The following MMP26 variants were observed in gnomAD, a reference collection of about 807,000 sequenced individuals.
The protein encoded by MMP26 is matrix metalloproteinase-26.
MMP26 carries 33 observed loss-of-function variants against 31.0 expected under a neutral mutation model. That is an observed-to-expected ratio of 1.06 (90% CI 0.81 to 1.42). MMP26 has a LOEUF of 1.42. Among genes scored for constraint, MMP26 ranks in the 40% most tolerant of loss-of-function variants. The probability of loss-of-function intolerance (pLI) is 0.00; values close to 1 mark genes in which losing one functional copy is unlikely to be tolerated. For synonymous variants in MMP26, 122 were observed against 114.9 expected (o/e 1.06, Z -0.40); for missense variants, 347 against 316.1 (o/e 1.10, Z -0.74).
chr11:4,737,890 TG>T (rs1848263195), intron 1 of MMP26, among the ~76,000 whole-genome samples: 1 of 152,248 alleles, frequency 6.6e-6, no homozygotes, highest in Non-Finnish European at 1.5e-5. Context: ...CTCTACTGCA[TG>T]GTGCAATCAT....
intron 2 of MMP26, chr11:4,923,263 C>G (rs1851209989): frequency 9.2e-7 from 1 of 1,081,170 alleles, no homozygotes; most frequent in South Asian, 1.7e-5. Flanking sequence ...TGTTGCACAG[C>G]CAATTGCCTT....
intron 2 of MMP26, among the ~76,000 whole-genome samples, chr11:4,987,573 C>T (rs747747971): frequency 1.5e-4 from 23 of 152,024 alleles, no homozygotes; most frequent in Non-Finnish European, 2.8e-4. Context: ...CGCCCACCAC[C>T]ACACCCGGCT....
At chr11:4,749,109 A>G (rs1848416345) in intron 1 of MMP26, among the ~76,000 whole-genome samples, 1 of 152,146 alleles carries the variant, frequency 6.6e-6, no homozygotes, top group African/African-American at 2.4e-5. Flanking sequence ...AGGATACAAA[A>G]TCAACATACA....
At chr11:4,782,775 G>A (rs1162158427) in intron 2 of MMP26, among the ~76,000 whole-genome samples, 1 of 152,196 alleles carries the variant, frequency 6.6e-6, no homozygotes, top group Non-Finnish European at 1.5e-5. Flanking sequence ...GGGACTTGGT[G>A]CCCTGCATCC....
intron 2 of MMP26, among the ~76,000 whole-genome samples, chr11:4,842,868 T>C (rs1849815203): frequency 6.6e-6 from 1 of 152,208 alleles, no homozygotes; most frequent in Non-Finnish European, 1.5e-5. Context: ...AGTTATTTAC[T>C]TACAAGAGAA....
intron 2 of MMP26, among the ~76,000 whole-genome samples, chr11:4,966,622 C>A (rs184373619): frequency 6.6e-6 from 1 of 152,302 alleles, no homozygotes; most frequent in African/African-American, 2.4e-5. Context: ...GTCATCAACC[C>A]TCTTGTTCAA....
At chr11:4,826,617 G>T (rs1157670361) in intron 2 of MMP26, among the ~76,000 whole-genome samples, 1 of 152,020 alleles carries the variant, frequency 6.6e-6, no homozygotes, top group Non-Finnish European at 1.5e-5. Flanking sequence ...AGTCTGGTTG[G>T]CAAACCACAA....
At chr11:4,991,632 G>A in intron 6 of MMP26, 136 bp downstream of exon 6, 2 of 1,060,398 alleles carry the variant, frequency 1.9e-6, no homozygotes, top group Non-Finnish European at 2.7e-6. Flanking sequence ...TTCTTTATAA[G>A]TGAGGAGATG....
chr11:4,787,311 G>A (rs113806422), intron 2 of MMP26: 3,795 of 152,310 alleles, frequency 0.025, 79 homozygotes, highest in Admixed American at 0.037. Context: ...ACCCTGATGC[G>A]CTTAAAGTTG....
chr11:4,750,437 C>A (rs11033697), intron 1 of MMP26, among the ~76,000 whole-genome samples: 34,529 of 151,878 alleles, frequency 0.23, 4,201 homozygotes, highest in Middle Eastern at 0.37. Flanking sequence ...CCCAAGGGAA[C>A]ATAAATTATT....
intron 2 of MMP26, among the ~76,000 whole-genome samples, chr11:4,942,089 C>CAAAAAAAAAAAAAAAGAAAAAA (rs1846216980): frequency 2.7e-5 from 1 of 37,122 alleles, no homozygotes. Context: ...GAGTCCATCT[C>CAAAAAAAAAAAAAAAGAAAAAA]AAAAAAAAAA....
At chr11:4,801,857 C>T (rs1429123837) in intron 2 of MMP26, among the ~76,000 whole-genome samples, 2 of 151,914 alleles carry the variant, frequency 1.3e-5, no homozygotes, top group African/African-American at 4.8e-5. Flanking sequence ...TTTAAATAAC[C>T]GGATCTCGCA....
intron 2 of MMP26, among the ~76,000 whole-genome samples, chr11:4,969,864 C>CTT (rs1846642240): frequency 6.6e-6 from 1 of 152,012 alleles, no homozygotes; most frequent in East Asian, 1.9e-4. Context: ...GCCAAAGATA[C>CTT]GCCTATGTCA....
chr11:4,893,776 G>T (rs1350799049), intron 2 of MMP26, among the ~76,000 whole-genome samples: 1 of 151,958 alleles, frequency 6.6e-6, no homozygotes, highest in East Asian at 1.9e-4. Flanking sequence ...GATCAATTCT[G>T]TATTTATAAA....
At chr11:4,837,508 T>C (rs572282069) in intron 2 of MMP26, among the ~76,000 whole-genome samples, 1 of 152,316 alleles carries the variant, frequency 6.6e-6, no homozygotes, top group Non-Finnish European at 1.5e-5. Flanking sequence ...CACCCACTTA[T>C]ATTTAAAATA....
intron 2 of MMP26, among the ~76,000 whole-genome samples, chr11:4,949,976 G>A (rs1277841963): frequency 1.6e-5 from 2 of 122,902 alleles, no homozygotes; most frequent in East Asian, 2.3e-4. Context: ...AATCTTTATG[G>A]TAAGGCATTA....
intron 1 of MMP26, chr11:4,712,512 A>G (rs1248645348): frequency 2.0e-5 from 3 of 152,186 alleles, no homozygotes; most frequent in Non-Finnish European, 1.5e-5. Context: ...ATTTCTAAGC[A>G]ATGAAAGCAT....
At chr11:4,730,779 G>A (rs74638506) in intron 1 of MMP26, among the ~76,000 whole-genome samples, 1,625 of 152,166 alleles carry the variant, frequency 0.011, 27 homozygotes, top group African/African-American at 0.037. Context: ...CCCAAGGATA[G>A]CTGGTAGACC....
chr11:4,739,698 T>C (rs1848286925), intron 1 of MMP26, among the ~76,000 whole-genome samples: 1 of 150,432 alleles, frequency 6.6e-6, no homozygotes, highest in African/African-American at 2.4e-5. Flanking sequence ...CATGTTGTAT[T>C]GTTGACTACT....
Sources: allele counts gnomAD v4.1 joint callset (sites outside exome capture counted in the v4.1 genomes callset), GRCh38; gene constraint gnomAD v4.1.1; transcripts MANE v1.5; gene names NCBI Gene and HGNC (gene_info 2026-07-23, HGNC 2026-07-21).